The following NT5DC1 variants were observed in gnomAD, a reference collection of about 807,000 sequenced individuals.
NT5DC1 encodes the protein 5'-nucleotidase domain-containing protein 1.
In NT5DC1, 42 loss-of-function variants were observed where a neutral mutation model predicts 59.4. The observed-to-expected ratio is 0.71, with a 90% confidence interval of 0.55 to 0.92. The LOEUF is 0.92. NT5DC1 is among the 40% of genes least tolerant of loss of function. The probability of loss-of-function intolerance (pLI) is 0.00; values close to 1 mark genes in which losing one functional copy is unlikely to be tolerated. For missense variants in NT5DC1, 501 were observed against 537.1 expected (o/e 0.93, Z 0.66); for synonymous variants, 172 against 188.1 (o/e 0.91, Z 0.70).
intron 6 of NT5DC1, among the ~76,000 whole-genome samples, chr6:116,195,733 A>T (rs376444122): frequency 3.9e-5 from 6 of 152,196 alleles, no homozygotes; most frequent in Admixed American, 3.9e-4. Context: ...ATTAAGATTG[A>T]AGTGTAGGCA....
At chr6:116,111,029 C>A in intron 4 of NT5DC1, 73 bp downstream of exon 4, 3 of 996,240 alleles carry the variant, frequency 3.0e-6, no homozygotes, top group African/African-American at 1.6e-5. Flanking sequence ...GATGTCAGGA[C>A]AAAGAAGACC....
intron 1 of NT5DC1, among the ~76,000 whole-genome samples, chr6:116,101,307 C>G (rs1057054282): frequency 6.6e-6 from 1 of 151,938 alleles, no homozygotes; most frequent in African/African-American, 2.4e-5. Context: ...GCTGGGGAAT[C>G]GGTGATTTCT....
At position 116,217,317 on chromosome 6, in the gene NT5DC1, AC is replaced by A. The variant is rs1172259029; in HGVS notation, c.530-3736del. On this transcript the variant is annotated intron_variant, in intron 6 of 11. Transcript: ENST00000319550. ...AGTTTTTTTAACATAGGAGAGCTAA[AC>A]TTTTATTCCTTAGAATCAGCTTATT... is the stretch of plus-strand genomic sequence containing the variant. Among the ~76,000 whole-genome samples the A allele has an allele frequency of 5.9e-5, 9 of 152,250 alleles. No homozygotes were observed. The East Asian group carries it at 1.5e-3, about 26-fold the overall frequency.
At chr6:116,105,436 CTG>C (rs1429560253) in intron 1 of NT5DC1, among the ~76,000 whole-genome samples, 3 of 152,180 alleles carry the variant, frequency 2.0e-5, no homozygotes, top group Non-Finnish European at 4.4e-5. Flanking sequence ...CTTTTGGACA[CTG>C]TGCAGGTTGA....
At chr6:116,171,638 C>T (rs1242413553) in intron 6 of NT5DC1, among the ~76,000 whole-genome samples, 1 of 152,138 alleles carries the variant, frequency 6.6e-6, no homozygotes, top group Non-Finnish European at 1.5e-5. Context: ...TTTGACTTGG[C>T]TGAATTCTCT....
intron 1 of NT5DC1, among the ~76,000 whole-genome samples, chr6:116,101,445 C>T (rs1256010663): frequency 7.0e-6 from 1 of 143,420 alleles, no homozygotes; most frequent in East Asian, 1.9e-4. Flanking sequence ...TTGGTACTTG[C>T]ATTTTTTTTG....
Position 116,100,863 on chromosome 6 carries a change from A to T in NT5DC1, c.-68A>T. 1 of 1,254,038 alleles carries T rather than the reference A, an allele frequency of 8.0e-7. No homozygotes were observed. Among genetic ancestry groups the T allele is most frequent in the Non-Finnish European group, 1.1e-6 (1 of 905,310 alleles). The allele number at this position is 1,254,038 out of a possible 1,614,324, so 77.7% of individuals were successfully genotyped here. On this transcript the variant is annotated 5_prime_UTR_variant, in exon 1 of 12. Transcript: ENST00000319550. ...CGCGTCCGGCCCGGTCCTGTCCCGC[A>T]GCGTCCCGCCAGCCAGCTCCTTGCA...
At chr6:116,241,792 G>A (rs181181620) in intron 11 of NT5DC1, among the ~76,000 whole-genome samples, 4 of 151,300 alleles carry the variant, frequency 2.6e-5, no homozygotes, top group South Asian at 2.1e-4. Flanking sequence ...GCGTGGTGGC[G>A]GGCGCCTGTA....
At chr6:116,169,812 G>A (rs1331269972) in intron 6 of NT5DC1, among the ~76,000 whole-genome samples, 1 of 152,184 alleles carries the variant, frequency 6.6e-6, no homozygotes, top group East Asian at 1.9e-4. Context: ...TTGATTGAAA[G>A]TGTGTATAGA....
At chr6:116,207,851 G>A (rs1032665387) in intron 6 of NT5DC1, among the ~76,000 whole-genome samples, 18 of 151,948 alleles carry the variant, frequency 1.2e-4, no homozygotes, top group African/African-American at 4.3e-4. Context: ...CCTCATTACT[G>A]ATCATTATGG....
rs1771892060 is a variant in NT5DC1, at chr6:116,248,750, G to A, written c.*4726G>A. ...GGAGAACTTCTTAACTGGTTTGGAG[G>A]TCCACATAAAGAATAATTGGGGTCT... On this transcript the variant is annotated 3_prime_UTR_variant, in exon 12 of 12. Transcript: ENST00000319550. 2 of 152,338 alleles carry A rather than the reference G, an allele frequency of 1.3e-5. No homozygotes were observed. The highest frequency in any genetic ancestry group is 4.8e-5 in the African/African-American group (2 of 41,572). The allele number at this position is 152,338 out of a possible 1,614,324, so 9.4% of individuals were successfully genotyped here. A position where few individuals can be genotyped will look rare whatever the true frequency, so the allele number is the denominator to read the frequency against.
chr6:116,188,349 T>A (rs1781045438), intron 6 of NT5DC1, among the ~76,000 whole-genome samples: 1 of 152,048 alleles, frequency 6.6e-6, no homozygotes, highest in Non-Finnish European at 1.5e-5. Context: ...ATATATACCA[T>A]CCAGAATGTT....
chr6:116,115,446 A>G (rs965651936), intron 4 of NT5DC1, among the ~76,000 whole-genome samples: 3 of 152,194 alleles, frequency 2.0e-5, no homozygotes, highest in Non-Finnish European at 4.4e-5. Context: ...CTTTAAGATG[A>G]CTAAAATATC....
At chr6:116,120,255 C>G in intron 6 of NT5DC1, 1 of 1,614,178 alleles carries the variant, frequency 6.2e-7, no homozygotes, top group Non-Finnish European at 8.5e-7. Flanking sequence ...GTGTACATTA[C>G]AGGGGTGCCA....
At chr6:116,241,930 AAAAAAAAACAAAAC>A (rs1379835813) in intron 11 of NT5DC1, among the ~76,000 whole-genome samples, 24,080 of 60,640 alleles carry the variant, frequency 0.4, 4,107 homozygotes, top group East Asian at 0.69. Context: ...CTCAAAAAAA[AAAAAAAAACAAAAC>A]AAAAAAAAAA....
At chr6:116,231,958 A>G (rs1251749399) in intron 8 of NT5DC1, among the ~76,000 whole-genome samples, 2 of 152,220 alleles carry the variant, frequency 1.3e-5, no homozygotes, top group Non-Finnish European at 2.9e-5. Flanking sequence ...ACAAAATACC[A>G]CAAACTAGAT....
At chr6:116,115,288 CTG>C (rs2114260901) in intron 4 of NT5DC1, among the ~76,000 whole-genome samples, 2 of 152,222 alleles carry the variant, frequency 1.3e-5, no homozygotes, top group African/African-American at 4.8e-5. Context: ...GCCAACCAAT[CTG>C]AAAAAGCACT....
In NT5DC1 at chr6:116,151,409, G is replaced by C. The variant is rs117511048; in HGVS notation, c.529+33464G>C. 4.2e-3 allele frequency among the ~76,000 whole-genome samples: 637 copies of C among 152,156 alleles called. 2 individuals carry two copies. The highest frequency in any genetic ancestry group is 7.2e-3 in the Non-Finnish European group (487 of 67,994). On this transcript the variant is annotated intron_variant, in intron 6 of 11. Coordinates refer to ENST00000319550, the MANE Select transcript of NT5DC1 (RefSeq NM_152729.3). ...ATGTTTTCAACTCATATTGTTTTTG[G>C]TTTATACCCTCTAAGTGATTGTATA...
intron 6 of NT5DC1, among the ~76,000 whole-genome samples, chr6:116,162,797 T>C (rs1780365180): frequency 6.6e-6 from 1 of 152,072 alleles, no homozygotes; most frequent in Admixed American, 6.6e-5. Flanking sequence ...ATAGAATGAG[T>C]TTAGGAGGAA....
Sources: gnomAD v4.1 joint callset for allele counts (sites outside exome capture counted in the v4.1 genomes callset) on GRCh38, gnomAD v4.1.1 for gene constraint, MANE v1.5 for transcripts, NCBI Gene and HGNC (gene_info 2026-07-23, HGNC 2026-07-21) for gene names.